The following ANKRD30BL variants were observed in gnomAD, a reference collection of about 807,000 sequenced individuals.
The protein encoded by ANKRD30BL is putative ankyrin repeat domain-containing protein 30B-like.
In ANKRD30BL, 20 loss-of-function variants were observed where a neutral mutation model predicts 18.4. The ratio of observed to expected loss-of-function variants is 1.09; its 90% CI spans 0.77 to 1.58. The LOEUF (loss-of-function observed/expected upper bound fraction) is 1.58. ANKRD30BL is among the 40% of genes most tolerant of loss of function. ANKRD30BL has a pLI of 0.00. For missense variants in ANKRD30BL, 224 were observed against 268.6 expected (o/e 0.83, Z 1.16); for synonymous variants, 72 against 100.9 (o/e 0.71, Z 1.72).
chr2:132,241,551 C>T (rs370870908), intron 1 of ANKRD30BL, among the ~76,000 whole-genome samples: 1 of 150,662 alleles, frequency 6.6e-6, no homozygotes, highest in African/African-American at 2.4e-5. Context: ...CTCAGAAACA[C>T]CTTTGTGGTA....
In ANKRD30BL at chr2:132,183,324, G is replaced by C. The variant is rs181722945; in HGVS notation, n.442-26178C>G. Among the ~76,000 whole-genome samples, 485 of 152,140 alleles carry C rather than the reference G, an allele frequency of 3.2e-3. 5 individuals carry two copies. Among genetic ancestry groups the C allele is most frequent in the African/African-American group, 0.011 (461 of 41,498 alleles). Reference sequence around the variant, plus strand: ...TTTTTGTATTTGTAGTAGAGACAGGGTTTCACCATGTTGGTCAGGAGGTTT... The same window carrying C: ...TTTTTGTATTTGTAGTAGAGACAGGCTTTCACCATGTTGGTCAGGAGGTTT... On this transcript the variant is annotated intron_variant and non_coding_transcript_variant, in intron 1 of 4. Coordinates refer to the ANKRD30BL transcript ENST00000470729.
chr2:132,164,737 T>C (rs189547765), upstream of ANKRD30BL, among the ~76,000 whole-genome samples: 9 of 152,302 alleles, frequency 5.9e-5, no homozygotes, highest in Admixed American at 1.3e-4. Flanking sequence ...TTGTTGTTGT[T>C]GTTTTAAAAT....
Position 132,257,530 on chromosome 2 carries a change from T to C in ANKRD30BL, n.440A>G, listed in dbSNP as rs57117950. On this transcript the variant is annotated splice_region_variant and non_coding_transcript_exon_variant, in exon 1 of 5. Transcript: ENST00000470729. Reference sequence around the variant, plus strand: ...GAACCCTTGCTTTCCCCCACTCACCTCATCAAGGGGGAAGTGGAGGAGGGT... The same window carrying C: ...GAACCCTTGCTTTCCCCCACTCACCCCATCAAGGGGGAAGTGGAGGAGGGT... The C allele has an allele frequency of 0.1, 24,125 of 230,694 alleles. 2,756 individuals are homozygous for C. Among genetic ancestry groups the C allele is most frequent in the African/African-American group, 0.33 (13,963 of 41,922 alleles). The allele number at this position is 230,694 out of a possible 1,614,324, so 14.3% of individuals were successfully genotyped here.
intron 1 of ANKRD30BL, among the ~76,000 whole-genome samples, chr2:132,225,604 T>TA (rs1174075182): frequency 2.6e-5 from 4 of 152,084 alleles, no homozygotes. Flanking sequence ...ACTCTTTTTG[T>TA]AGAGTCTACA....
intron 1 of ANKRD30BL, among the ~76,000 whole-genome samples, chr2:132,251,224 C>A (rs1292845130): frequency 6.6e-6 from 1 of 152,170 alleles, no homozygotes. Flanking sequence ...CCAGTGGTGA[C>A]ATCTCGCATA....
In ANKRD30BL at chr2:132,204,446, A is replaced by G. The variant is rs569303853; in HGVS notation, n.442-47300T>C. On this transcript the variant is annotated intron_variant and non_coding_transcript_variant, in intron 1 of 4. Transcript: ENST00000470729. ...GCATGTCTATACTTATACTATATAC[A>G]TACATATAGTGTGTATGTATGTATG... Among the ~76,000 whole-genome samples the G allele has an allele frequency of 4.0e-5, 6 of 151,104 alleles. No individual in the cohort carries two copies. In the South Asian group the frequency reaches 1.2e-3, roughly 31 times the overall value.
intron 1 of ANKRD30BL, among the ~76,000 whole-genome samples, chr2:132,200,178 G>A (rs1679066015): frequency 6.6e-6 from 1 of 151,664 alleles, no homozygotes; most frequent in South Asian, 2.1e-4. Context: ...CAAACCCACA[G>A]CCAATATCAT....
intron 1 of ANKRD30BL, among the ~76,000 whole-genome samples, chr2:132,187,326 C>G (rs1358169761): frequency 6.6e-6 from 1 of 150,846 alleles, no homozygotes; most frequent in East Asian, 2.0e-4. Flanking sequence ...CTGGGAGTAG[C>G]TAGGATTACA....
Position 132,229,722 on chromosome 2 carries a change from A to G in ANKRD30BL, n.441+27807T>C, listed in dbSNP as rs6726874. Among the ~76,000 whole-genome samples the G allele has an allele frequency of 6.1e-5, 9 of 148,672 alleles. No individual in the cohort carries two copies. In the Admixed American group the frequency reaches 6.1e-4, roughly 10 times the overall value. ...TTCTTTTGATAGAGCGGGTTTGAAA[A>G]ACTCATTTGGTAGAAACTGCAAGTG... On this transcript the variant is annotated intron_variant and non_coding_transcript_variant, in intron 1 of 4. Coordinates refer to the ANKRD30BL transcript ENST00000470729.
chr2:132,154,091 G>T (rs1465545998), intron 4 of ANKRD30BL, among the ~76,000 whole-genome samples: 1 of 152,092 alleles, frequency 6.6e-6, no homozygotes, highest in Non-Finnish European at 1.5e-5. Context: ...ATATTGTCCT[G>T]AGTACCTGGG....
At chr2:132,180,169 T>C (rs4389370) in intron 1 of ANKRD30BL, among the ~76,000 whole-genome samples, 92,177 of 151,158 alleles carry the variant, frequency 0.61, 30,160 homozygotes, top group African/African-American at 0.87. Context: ...CCCAGAGCAA[T>C]TTCCAGCTGT....
chr2:132,199,870 T>C (rs1200572022), intron 1 of ANKRD30BL, among the ~76,000 whole-genome samples: 1 of 152,108 alleles, frequency 6.6e-6, no homozygotes, highest in Non-Finnish European at 1.5e-5. Flanking sequence ...AAAAGAGAAT[T>C]TTAGGCCAAT....
At chr2:132,224,818 A>G (rs1679796991) in intron 1 of ANKRD30BL, among the ~76,000 whole-genome samples, 1 of 152,086 alleles carries the variant, frequency 6.6e-6, no homozygotes, top group South Asian at 2.1e-4. Flanking sequence ...ATATCTTCAC[A>G]TAATCACTAG....
At chr2:132,215,357 C>CAA (rs112971608) in intron 1 of ANKRD30BL, among the ~76,000 whole-genome samples, 23 of 128,446 alleles carry the variant, frequency 1.8e-4, no homozygotes, top group African/African-American at 6.9e-4. Flanking sequence ...TATATCTTCA[C>CAA]AAAAAAAACT....
intron 1 of ANKRD30BL, among the ~76,000 whole-genome samples, chr2:132,217,059 C>T (rs1005953936): frequency 1.3e-5 from 2 of 150,786 alleles, no homozygotes; most frequent in African/African-American, 4.9e-5. Flanking sequence ...ACATTTGAAG[C>T]TCTTTGAGAC....
chr2:132,224,416 G>A (rs76737855), intron 1 of ANKRD30BL, among the ~76,000 whole-genome samples: 11 of 152,108 alleles, frequency 7.2e-5, no homozygotes, highest in Admixed American at 2.0e-4. Context: ...ACTCTTTGTA[G>A]AATCTGCAAG....
chr2:132,170,258 T>A (rs6730952), intron 1 of ANKRD30BL, among the ~76,000 whole-genome samples: 94,699 of 152,096 alleles, frequency 0.62, 31,843 homozygotes, highest in African/African-American at 0.9. Context: ...TCACACAGCC[T>A]TGAAATATTA....
intron 1 of ANKRD30BL, among the ~76,000 whole-genome samples, chr2:132,186,763 C>T (rs1688567190): frequency 6.6e-6 from 1 of 152,004 alleles, no homozygotes; most frequent in Admixed American, 6.6e-5. Flanking sequence ...GTAGATGAAA[C>T]TTGATAATAT....
At chr2:132,162,299 G>C (rs1333668483), upstream of ANKRD30BL, among the ~76,000 whole-genome samples, 1 of 152,214 alleles carries the variant, frequency 6.6e-6, no homozygotes, top group Non-Finnish European at 1.5e-5. Flanking sequence ...CCGCGCGGCT[G>C]GTGGCGCTGG....
Sources: allele counts gnomAD v4.1 joint callset (sites outside exome capture counted in the v4.1 genomes callset), GRCh38; gene constraint gnomAD v4.1.1; transcripts MANE v1.5; gene names NCBI Gene and HGNC (gene_info 2026-07-23, HGNC 2026-07-21).